CHD9: variants seen among roughly 807,000 people sequenced by gnomAD.
CHD9 encodes the protein chromodomain helicase DNA binding protein 9, also known as ATP-dependent chromatin remodeler CHD9.
CHD9 carries 77 observed loss-of-function variants against 316.1 expected under a neutral mutation model. The observed-to-expected ratio is 0.24, with a 90% CI of 0.20 to 0.29. CHD9 has a LOEUF of 0.29. Among genes scored for constraint, CHD9 ranks in the 10% least tolerant of loss-of-function variants. The pLI, the probability that CHD9 is intolerant of heterozygous loss-of-function variation, is 1.00. For synonymous variants in CHD9, 1,129 were observed against 1,158.3 expected, an observed-to-expected ratio of 0.97 and a Z score of 0.51; for missense variants, 2,763 against 3,438.1, an observed-to-expected ratio of 0.80 and a Z score of 4.91.
At chr16:53,110,006 G>C (rs1188687661) in intron 1 of CHD9, among the ~76,000 whole-genome samples, 1 of 152,058 alleles carries the variant, frequency 6.6e-6, no homozygotes, top group African/African-American at 2.4e-5. Context: ...TTCTATTGAA[G>C]AACGAGAAAT....
At chr16:53,179,564 A>C (rs547831483) in intron 2 of CHD9, among the ~76,000 whole-genome samples, 1 of 152,296 alleles carries the variant, frequency 6.6e-6, no homozygotes, top group Non-Finnish European at 1.5e-5. Context: ...TAAATAATGT[A>C]TCTTGTACCC....
chr16:53,141,163 G>A (rs147110300), intron 1 of CHD9, among the ~76,000 whole-genome samples: 101 of 152,288 alleles, frequency 6.6e-4, no homozygotes, highest in African/African-American at 2.2e-3. Flanking sequence ...AGTGCTTTAT[G>A]TGTATTATTT....
In CHD9 at chr16:53,238,406, C is replaced by T. The variant is rs746184033; in HGVS notation, c.2697C>T (p.Leu899=). The T allele has an allele frequency of 2.5e-6, 4 of 1,612,874 alleles. No individual in the cohort carries two copies. Among genetic ancestry groups the T allele is most frequent in the Non-Finnish European group, 3.4e-6 (4 of 1,179,104 alleles). ...LGKTIQSITF[L]YEILLTGIRG... ...AAACTATTCAATCAATTACATTCCT[C>T]TATGAAATCCTTCTGACTGGTATAA... Residue 899 remains leucine, a synonymous_variant, in exon 12 of 39, where the codon CTC becomes CTT. Coordinates refer to ENST00000447540, the MANE Select transcript of CHD9 (RefSeq NM_001308319.2).
At chr16:53,184,752 C>T (rs1369969481) in intron 2 of CHD9, among the ~76,000 whole-genome samples, 2 of 152,148 alleles carry the variant, frequency 1.3e-5, no homozygotes, top group African/African-American at 4.8e-5. Context: ...CTCATAATCC[C>T]CACCTGTCGT....
chr16:53,156,970 CATCTA>C lies in CHD9; in HGVS notation c.885_889del (p.Asn296TyrfsTer7). 1 of 1,612,714 alleles carries C rather than the reference CATCTA, an allele frequency of 6.2e-7. No individual in the cohort carries two copies. The highest frequency in any genetic ancestry group is 8.5e-7 in the Non-Finnish European group (1 of 1,179,104). On this transcript the variant is annotated frameshift_variant, in exon 2 of 39. Transcript: ENST00000447540. LOFTEE classifies it high-confidence loss of function. ...CTACTTCAGTCCTCTGCAGTTCTTG[CATCTA>C]ATCATACAAATCAGACTTTATCTGA...
chr16:53,134,071 A>AG (rs1257312553), intron 1 of CHD9, among the ~76,000 whole-genome samples: 5 of 152,234 alleles, frequency 3.3e-5, no homozygotes, highest in Non-Finnish European at 7.3e-5. Flanking sequence ...ATAACAGAGA[A>AG]GAAAAATGAA....
chr16:53,094,442 G>A (rs952804730), intron 1 of CHD9, among the ~76,000 whole-genome samples: 1 of 152,010 alleles, frequency 6.6e-6, no homozygotes, highest in Admixed American at 6.6e-5. Flanking sequence ...TCCCAGCCCC[G>A]TCACAGTGAA....
rs898586002 is a variant in CHD9 at position 53,204,052 on chromosome 16, T to C, written c.1453-5430T>C. On this transcript the variant is annotated intron_variant, in intron 2 of 38. Transcript: ENST00000447540. ...AAAAAAAAAAAAAAAAAAAAAAATATATATATACACACACACACACACACA... is the reference window on the plus strand; with the variant it reads ...AAAAAAAAAAAAAAAAAAAAAAATACATATATACACACACACACACACACA... Among the ~76,000 whole-genome samples, 14 of 82,416 alleles carry C rather than the reference T, an allele frequency of 1.7e-4. 1 individual carries two copies. The East Asian group carries it at 5.1e-3, about 30-fold the overall frequency. The allele number at this position is 82,416 out of a possible 152,430, so 54.1% of individuals were successfully genotyped here. A position where few individuals can be genotyped will look rare whatever the true frequency, so the allele number is the denominator to read the frequency against.
At chr16:53,248,601 T>C in intron 16 of CHD9, among the ~76,000 whole-genome samples, 1 of 148,424 alleles carries the variant, frequency 6.7e-6, no homozygotes, top group Admixed American at 6.8e-5. Flanking sequence ...TCATAGCTCA[T>C]TGCAACCTCG....
chr16:53,253,602 G>GC (rs1200915610), intron 17 of CHD9, among the ~76,000 whole-genome samples: 4 of 152,144 alleles, frequency 2.6e-5, no homozygotes, highest in Non-Finnish European at 5.9e-5. Flanking sequence ...AAAGTACCCA[G>GC]CTTAAATAAA....
intron 16 of CHD9, chr16:53,247,781 GATTA>G: frequency 3.5e-6 from 1 of 289,762 alleles, no homozygotes; most frequent in East Asian, 6.9e-5. Flanking sequence ...CATTTTACTT[GATTA>G]ATAAACCTTG....
At chr16:53,077,798 G>T (rs1230531805) in intron 1 of CHD9, among the ~76,000 whole-genome samples, 1 of 152,180 alleles carries the variant, frequency 6.6e-6, no homozygotes, top group African/African-American at 2.4e-5. Context: ...ATGCGACCCA[G>T]TGCAGTGGCT....
At chr16:53,226,945 T>G (rs2047705477) in intron 5 of CHD9, among the ~76,000 whole-genome samples, 1 of 152,202 alleles carries the variant, frequency 6.6e-6, no homozygotes, top group Non-Finnish European at 1.5e-5. Context: ...GTCCTCTGTT[T>G]TATGAACACG....
chr16:53,303,724 G>T lies in CHD9; in HGVS notation c.5718G>T (p.Leu1906Phe), dbSNP rs1263673775. ...TGTCCTTGTTTCAATATGTAGAATT[G>T]GTGGATCCAAATATTTTTATCCAGC... is the stretch of plus-strand genomic sequence containing the variant. ...RVCRLPSKEE[L>F]VDPNIFIQPI... The change falls in exon 31 of 39, where the codon TTG becomes TTT. Residue 1906 changes from leucine to phenylalanine, a missense_variant. Transcript: ENST00000447540. The T allele has an allele frequency of 6.3e-7, 1 of 1,590,736 alleles. No homozygotes were observed.
chr16:53,220,173 AAT>A (rs1201582028), intron 3 of CHD9, among the ~76,000 whole-genome samples: 1 of 152,206 alleles, frequency 6.6e-6, no homozygotes, highest in Non-Finnish European at 1.5e-5. Flanking sequence ...GTTGCTTCAG[AAT>A]ATCTTTGTGT....
intron 2 of CHD9, among the ~76,000 whole-genome samples, chr16:53,195,831 C>G (rs2044867273): frequency 6.7e-6 from 1 of 149,494 alleles, no homozygotes; most frequent in South Asian, 2.1e-4. Context: ...GACCTCAGCT[C>G]ACTGCAATCT....
intron 3 of CHD9, among the ~76,000 whole-genome samples, chr16:53,216,578 G>A (rs940668974): frequency 6.6e-6 from 1 of 151,996 alleles, no homozygotes; most frequent in Non-Finnish European, 1.5e-5. Flanking sequence ...CTGTATGGTG[G>A]GACCAATACC....
Position 53,307,951 on chromosome 16 carries a change from G to A in CHD9, c.7051G>A (p.Asp2351Asn), listed in dbSNP as rs888405343. The change falls in exon 33 of 39, where the codon GAC (aspartate) becomes AAC (asparagine). Residue 2351 changes from aspartate (D) to asparagine (N), a missense_variant and splice_region_variant. By Grantham distance (23) the Asp-to-Asn change is conservative. Around this residue, in one of 15 missense-constraint regions of CHD9, gnomAD observed 663 missense variants for 751.2 expected, o/e 0.88. Transcript: ENST00000447540. ...AAAGGAGTTTACAGTGAAAATCAAA[G>A]ACGTATGTGTATTTTTATTGCCCTA... is the stretch of plus-strand genomic sequence containing the variant. ...REKEFTVKIK[D>N]EGGLKLTFQK... is the part of the protein sequence containing the mutation. 1 of 1,596,104 alleles carries A rather than the reference G, an allele frequency of 6.3e-7. No individual in the cohort carries two copies.
intron 37 of CHD9, chr16:53,321,036 A>T: frequency 3.0e-6 from 1 of 335,314 alleles, no homozygotes; most frequent in South Asian, 2.5e-5. Context: ...AGTACTTAGC[A>T]CAATACTTGC....
Sources: allele counts gnomAD v4.1 joint callset (sites outside exome capture counted in the v4.1 genomes callset), GRCh38; gene constraint gnomAD v4.1.1; regional missense constraint gnomAD v4.1.1; transcripts MANE v1.5; gene names NCBI Gene and HGNC (gene_info 2026-07-23, HGNC 2026-07-21).